SPAST: variants seen among roughly 807,000 people sequenced by gnomAD.
SPAST encodes the protein spastic paraplegia 4 (autosomal dominant; spastin).
A neutral mutation model predicts 76.6 loss-of-function variants in SPAST; 30 were observed. The ratio of observed to expected loss-of-function variants is 0.39; its 90% confidence interval spans 0.29 to 0.53. The LOEUF is 0.53. Ranked by LOEUF, SPAST falls within the 20% of genes least tolerant of loss-of-function variation. SPAST has a pLI of 0.68. For synonymous variants in SPAST, 305 were observed against 281.0 expected, an observed-to-expected ratio of 1.09 and a Z score of -0.86; for missense variants, 717 against 770.5, an observed-to-expected ratio of 0.93 and a Z score of 0.82.
chr2:32,082,596 T>G (rs1294351087), intron 1 of SPAST, among the ~76,000 whole-genome samples: 1 of 151,902 alleles, frequency 6.6e-6, no homozygotes, highest in African/African-American at 2.4e-5. Flanking sequence ...CTTGGGAGGC[T>G]GAGGCAGAAG....
intron 5 of SPAST, among the ~76,000 whole-genome samples, chr2:32,115,252 T>C (rs1344527970): frequency 1.3e-5 from 2 of 151,692 alleles, no homozygotes; most frequent in African/African-American, 4.8e-5. Flanking sequence ...CCAAAGTTAA[T>C]TTTTTTTTAA....
chr2:32,073,710 G>T (rs555223002), intron 1 of SPAST, among the ~76,000 whole-genome samples: 7 of 151,908 alleles, frequency 4.6e-5, no homozygotes, highest in Admixed American at 2.0e-4. Context: ...TTTTTCTCTC[G>T]TTTGTGAATT....
chr2:32,116,010 G>A, intron 6 of SPAST, 109 bp from the exon 7 acceptor site: 2 of 971,742 alleles, frequency 2.1e-6, no homozygotes, highest in South Asian at 1.4e-5. Context: ...TTTAACTATA[G>A]TTTAACAGTT....
intron 3 of SPAST, among the ~76,000 whole-genome samples, chr2:32,090,602 T>G (rs1203825521): frequency 2.0e-5 from 3 of 152,206 alleles, no homozygotes; most frequent in African/African-American, 7.2e-5. Context: ...TAATTTTTAC[T>G]ATTTTTTAAT....
chr2:32,069,278 T>C (rs920021721), intron 1 of SPAST, among the ~76,000 whole-genome samples: 3 of 152,080 alleles, frequency 2.0e-5, no homozygotes, highest in African/African-American at 4.8e-5. Context: ...TTAAATTTTT[T>C]CTTTAGGAGA....
chr2:32,129,268 A>G (rs3752914), intron 9 of SPAST: 11 of 107,908 alleles, frequency 1.0e-4, no homozygotes, highest in African/African-American at 3.0e-4. Context: ...TTTTTTTTTT[A>G]TAATAGAGAC....
intron 1 of SPAST, among the ~76,000 whole-genome samples, chr2:32,071,448 A>G (rs1472329973): frequency 6.6e-6 from 1 of 152,214 alleles, no homozygotes; most frequent in Non-Finnish European, 1.5e-5. Context: ...TCGTCAATGA[A>G]AAGAGTCAAA....
Position 32,154,591 on chromosome 2 carries a change from T to C in SPAST, c.*95T>C. On this transcript the variant is annotated 3_prime_UTR_variant, in exon 17 of 17. Transcript: ENST00000315285. ...ATCGGCTACAGAAACAGCCTAAGTT[T>C]ACAGGACTTTTTAGAGTCTTACATA... 3.0e-6 allele frequency: 4 copies of C among 1,317,188 alleles called. No individual in the cohort carries two copies. The highest frequency in any genetic ancestry group is 4.3e-6 in the Non-Finnish European group (4 of 919,628). 81.6% of individuals were successfully genotyped at this position (1,317,188 alleles called of 1,614,324 possible). A position where few individuals can be genotyped will look rare whatever the true frequency, so the allele number is the denominator to read the frequency against.
chr2:32,126,470 T>TTTA (rs1679196445), intron 7 of SPAST: 1 of 23,210 alleles, frequency 4.3e-5, no homozygotes, highest in Non-Finnish European at 1.0e-4. Flanking sequence ...GTTTTATTTC[T>TTTA]TTTTTTTTTT....
At chr2:32,146,661 T>C (rs1679895448) in intron 15 of SPAST, among the ~76,000 whole-genome samples, 3 of 151,806 alleles carry the variant, frequency 2.0e-5, no homozygotes, top group Admixed American at 1.3e-4. Context: ...GGTCAGGAGT[T>C]CGAGACCAGC....
In SPAST at chr2:32,155,501, TTAA is replaced by T. The variant is rs1171880643; in HGVS notation, c.*1010_*1012del. ...CAAGTGGAACTACCATCTTTTATTC[TTAA>T]TAATTATTAATCCCTTCAATGAAAC... On this transcript the variant is annotated 3_prime_UTR_variant, in exon 17 of 17. Transcript: ENST00000315285. 1.3e-5 allele frequency: 2 copies of T among 152,532 alleles called. No individual in the cohort carries two copies. The highest frequency in any genetic ancestry group is 2.4e-5 in the African/African-American group (1 of 41,454). The allele number at this position is 152,532 out of a possible 1,614,324, so 9.4% of individuals were successfully genotyped here. A position where few individuals can be genotyped will look rare whatever the true frequency, so the allele number is the denominator to read the frequency against.
At chr2:32,081,604 T>G (rs1268259219) in intron 1 of SPAST, among the ~76,000 whole-genome samples, 1 of 151,638 alleles carries the variant, frequency 6.6e-6, no homozygotes, top group Non-Finnish European at 1.5e-5. Context: ...GCCAACATGG[T>G]GAAACCCCGT....
Position 32,136,641 on chromosome 2 carries a change from A to G in SPAST, c.1321+3A>G. On this transcript the variant is annotated splice_donor_region_variant and intron_variant, in intron 10 of 16. Coordinates refer to ENST00000315285, the MANE Select transcript of SPAST (RefSeq NM_014946.4). Reference sequence around the variant, plus strand: ...TCAACCTTCTATAATTTTTATAGGTAAGAACATATTTTCCAACTAAGTTAT... The same window carrying G: ...TCAACCTTCTATAATTTTTATAGGTGAGAACATATTTTCCAACTAAGTTAT... 6.2e-7 allele frequency: 1 copy of G among 1,606,240 alleles called. No individual in the cohort carries two copies. Among genetic ancestry groups the G allele is most frequent in the Non-Finnish European group, 8.5e-7 (1 of 1,173,024 alleles).
intron 1 of SPAST, among the ~76,000 whole-genome samples, chr2:32,080,193 G>T (rs770927763): frequency 7.8e-4 from 118 of 152,042 alleles, no homozygotes; most frequent in Non-Finnish European, 1.3e-3. Context: ...TCAGCATTTT[G>T]TCATGTACTT....
chr2:32,091,646 C>A (rs1252951245), intron 3 of SPAST, among the ~76,000 whole-genome samples: 1 of 150,744 alleles, frequency 6.6e-6, no homozygotes, highest in Non-Finnish European at 1.5e-5. Context: ...TCCTGGCTAA[C>A]ACGGTGAAAC....
chr2:32,082,506 G>T (rs1393389266), intron 1 of SPAST, among the ~76,000 whole-genome samples: 2 of 152,044 alleles, frequency 1.3e-5, no homozygotes, highest in Non-Finnish European at 2.9e-5. Context: ...AGACCAGCCT[G>T]ACCAACATGG....
At position 32,154,753 on chromosome 2, in the gene SPAST, A is replaced by G. The variant is rs1344312569; in HGVS notation, c.*257A>G. The G allele has an allele frequency of 6.6e-6, 3 of 457,584 alleles. No individual in the cohort carries two copies. In the Admixed American group the frequency reaches 1.1e-4, roughly 17 times the overall value. 28.3% of individuals were successfully genotyped at this position (457,584 alleles called of 1,614,324 possible). A position where few individuals can be genotyped will look rare whatever the true frequency, so the allele number is the denominator to read the frequency against. ...ATGGACACTAAGTTAGAGCACAACAAAACCTGATTCTGGTCTTCTTTACCA... is the reference window on the plus strand; with the variant it reads ...ATGGACACTAAGTTAGAGCACAACAGAACCTGATTCTGGTCTTCTTTACCA... On this transcript the variant is annotated 3_prime_UTR_variant, in exon 17 of 17. Coordinates refer to ENST00000315285, the MANE Select transcript of SPAST (RefSeq NM_014946.4).
intron 4 of SPAST, among the ~76,000 whole-genome samples, chr2:32,102,879 T>G (rs1678179693): frequency 6.6e-6 from 1 of 152,218 alleles, no homozygotes; most frequent in Non-Finnish European, 1.5e-5. Flanking sequence ...TGCCAGTATT[T>G]TATTGAGGAT....
In SPAST at chr2:32,115,756, C is replaced by T. The variant is rs987367938; in HGVS notation, c.925C>T (p.Arg309Cys). The T allele has an allele frequency of 3.1e-6, 5 of 1,610,768 alleles. No individual in the cohort carries two copies. The highest frequency in any genetic ancestry group is 1.1e-5 in the South Asian group (1 of 90,928). ...ACCTTCTACCCCTACAACTGCTACT[C>T]GTAAGAAAAAAGACTTGAAGAATTT... ...NKPSTPTTATRKKKDLKNFRN... is the reference protein window; with the variant it reads ...NKPSTPTTATCKKKDLKNFRN... Residue 309 changes from arginine (R) to cysteine (C), a missense_variant, in exon 6 of 17, where the codon CGT becomes TGT. Arg to Cys is a radical substitution (Grantham distance 180). This residue lies in a region of SPAST where 543 missense variants were observed against 445.2 expected (regional missense o/e 1.22). Coordinates refer to ENST00000315285, the MANE Select transcript of SPAST (RefSeq NM_014946.4).
Sources: allele counts gnomAD v4.1 joint callset (sites outside exome capture counted in the v4.1 genomes callset), GRCh38; gene constraint gnomAD v4.1.1; regional missense constraint gnomAD v4.1.1; transcripts MANE v1.5; gene names NCBI Gene and HGNC (gene_info 2026-07-23, HGNC 2026-07-21).